The following ERBB4 variants were observed in gnomAD, a reference collection of about 807,000 sequenced individuals.
The protein encoded by ERBB4 is erb-b2 receptor tyrosine kinase 4.
Under a neutral mutation model 158.0 loss-of-function variants are expected in ERBB4, and 42 were observed. The observed-to-expected ratio is 0.27, with a 90% CI of 0.21 to 0.34. The LOEUF is 0.34. Among genes scored for constraint, ERBB4 ranks in the 10% least tolerant of loss-of-function variants. ERBB4 has a pLI of 1.00. For missense variants in ERBB4, 1,333 were observed against 1,624.1 expected (o/e 0.82, Z 3.08); for synonymous variants, 583 against 558.7 (o/e 1.04, Z -0.61).
intron 1 of ERBB4, among the ~76,000 whole-genome samples, chr2:212,207,712 T>C (rs1324329677): frequency 1.3e-5 from 2 of 152,036 alleles, no homozygotes; most frequent in African/African-American, 2.4e-5. Context: ...TTACAATATA[T>C]TACTTTTCTA....
At chr2:212,265,515 A>G (rs1320024313) in intron 1 of ERBB4, among the ~76,000 whole-genome samples, 1 of 152,118 alleles carries the variant, frequency 6.6e-6, no homozygotes, top group East Asian at 1.9e-4. Context: ...AGTGGAGTCT[A>G]TCTCATTGGC....
intron 2 of ERBB4, among the ~76,000 whole-genome samples, chr2:212,099,049 G>C (rs2079008403): frequency 6.6e-6 from 1 of 151,946 alleles, no homozygotes; most frequent in Non-Finnish European, 1.5e-5. Context: ...GGGAGGCTAA[G>C]GTGGGAGGAT....
chr2:212,093,057 A>C (rs907425021), intron 2 of ERBB4, among the ~76,000 whole-genome samples: 1 of 152,204 alleles, frequency 6.6e-6, no homozygotes, highest in African/African-American at 2.4e-5. Flanking sequence ...CTTAACTACC[A>C]AATGTGGAGC....
intron 12 of ERBB4, among the ~76,000 whole-genome samples, chr2:211,696,960 A>C (rs1396661910): frequency 2.0e-5 from 3 of 152,142 alleles, no homozygotes; most frequent in African/African-American, 7.2e-5. Context: ...GTGAGCCACC[A>C]TGCCCGGCCA....
At chr2:211,795,266 T>G (rs994064524) in intron 3 of ERBB4, among the ~76,000 whole-genome samples, 3 of 151,862 alleles carry the variant, frequency 2.0e-5, no homozygotes, top group Admixed American at 2.0e-4. Flanking sequence ...ATAAAGCTCA[T>G]AATCTAGTTT....
chr2:211,700,126 A>T (rs6435657), intron 12 of ERBB4, among the ~76,000 whole-genome samples: 66,231 of 151,658 alleles, frequency 0.44, 14,773 homozygotes, highest in South Asian at 0.48. Flanking sequence ...AAGGATGTGG[A>T]AGGAAACGAG....
intron 1 of ERBB4, among the ~76,000 whole-genome samples, chr2:212,142,860 G>C (rs1186674532): frequency 3.3e-5 from 5 of 151,528 alleles, no homozygotes; most frequent in Non-Finnish European, 7.4e-5. Context: ...TGTAAAACTT[G>C]GCAGGGTGCT....
intron 1 of ERBB4, among the ~76,000 whole-genome samples, chr2:212,512,324 G>GTATA (rs139979390): frequency 4.7e-4 from 70 of 148,400 alleles, no homozygotes; most frequent in East Asian, 1.4e-3. Context: ...TACATATTGA[G>GTATA]TATATATATA....
rs556900760 is a variant in ERBB4, at chr2:212,249,510, A to G, written c.83-124607T>C. On this transcript the variant is annotated intron_variant, in intron 1 of 27. Transcript: ENST00000342788. The stretch of plus-strand genomic sequence containing the variant: ...AGTTTTTGTCTATCTTTTTAGCTTC[A>G]TGTCATTTTAGTGGGAGAACAGTAA... Among the ~76,000 whole-genome samples, 13 of 151,860 alleles carry G rather than the reference A, an allele frequency of 8.6e-5. No homozygotes were observed. The South Asian group carries it at 1.9e-3, about 22-fold the overall frequency.
At chr2:211,653,167 C>T (rs2071067247) in intron 16 of ERBB4, among the ~76,000 whole-genome samples, 1 of 152,028 alleles carries the variant, frequency 6.6e-6, no homozygotes. Flanking sequence ...CCACCAAAGG[C>T]AAATACTATT....
Position 211,850,290 on chromosome 2 carries a change from C to G in ERBB4, c.422-62131G>C, listed in dbSNP as rs78021790. Among the ~76,000 whole-genome samples, 469 of 151,926 alleles carry G rather than the reference C, an allele frequency of 3.1e-3. 2 individuals are homozygous for G. The highest frequency in any genetic ancestry group is 0.011 in the African/African-American group (453 of 41,510). On this transcript the variant is annotated intron_variant, in intron 3 of 27. Coordinates refer to ENST00000342788, the MANE Select transcript of ERBB4 (RefSeq NM_005235.3). The stretch of plus-strand genomic sequence containing the variant: ...CTTTGAGTTCTTCCACTTTAAGTTA[C>G]TGTTCTCTTATTCTCTAAGAAGCAG...
chr2:211,731,295 C>T (rs923868404), intron 5 of ERBB4, among the ~76,000 whole-genome samples: 5 of 152,064 alleles, frequency 3.3e-5, no homozygotes, highest in Admixed American at 2.6e-4. Context: ...ACTCATACCT[C>T]TATGCTGCCT....
chr2:212,279,819 G>C (rs947849198), intron 1 of ERBB4, among the ~76,000 whole-genome samples: 5 of 151,444 alleles, frequency 3.3e-5, no homozygotes, highest in Non-Finnish European at 7.4e-5. Flanking sequence ...TTGGTTTCTA[G>C]AGAAAGTCTT....
intron 19 of ERBB4, 86 bp downstream of exon 19, chr2:211,619,091 G>A (rs963677955): frequency 1.3e-6 from 1 of 792,244 alleles, no homozygotes; most frequent in African/African-American, 1.7e-5. Flanking sequence ...TGTAAGTTGT[G>A]GAGTTTGGTT....
chr2:211,621,709 A>G (rs544117563), intron 18 of ERBB4, among the ~76,000 whole-genome samples: 20 of 152,342 alleles, frequency 1.3e-4, no homozygotes, highest in African/African-American at 4.6e-4. Flanking sequence ...TCTAGGAACA[A>G]TGTAAGATTG....
chr2:212,397,373 T>A (rs2091059732), intron 1 of ERBB4, among the ~76,000 whole-genome samples: 1 of 151,968 alleles, frequency 6.6e-6, no homozygotes, highest in Admixed American at 6.6e-5. Flanking sequence ...CTCAAGAGGC[T>A]GAGGCGAGAG....
chr2:212,151,460 A>G (rs1441049127), intron 1 of ERBB4, among the ~76,000 whole-genome samples: 1 of 151,458 alleles, frequency 6.6e-6, no homozygotes. Context: ...CTTGTCATGC[A>G]CTCCATATAT....
chr2:212,110,773 C>T (rs1022137885), intron 2 of ERBB4, among the ~76,000 whole-genome samples: 18 of 152,208 alleles, frequency 1.2e-4, no homozygotes, highest in Non-Finnish European at 1.3e-4. Context: ...CAGGGGACTA[C>T]ATTTCTTGGA....
chr2:212,482,059 C>T (rs1292364436), intron 1 of ERBB4, among the ~76,000 whole-genome samples: 1 of 152,198 alleles, frequency 6.6e-6, no homozygotes, highest in African/African-American at 2.4e-5. Context: ...TGGAGATTTA[C>T]TCTTCAGTTT....
Sources: allele counts gnomAD v4.1 joint callset (sites outside exome capture counted in the v4.1 genomes callset), GRCh38; gene constraint gnomAD v4.1.1; transcripts MANE v1.5; gene names NCBI Gene and HGNC (gene_info 2026-07-23, HGNC 2026-07-21).